The following PCMTD1 variants were observed in gnomAD, a reference collection of about 807,000 sequenced individuals.
The protein encoded by PCMTD1 is protein-L-isoaspartate O-methyltransferase domain-containing protein 1.
PCMTD1 carries 12 observed loss-of-function variants against 37.6 expected under a neutral mutation model. That is an observed-to-expected ratio of 0.32 (90% CI 0.20 to 0.52). PCMTD1 has a LOEUF of 0.52. PCMTD1 is among the 20% of genes least tolerant of loss of function. The pLI is 0.97. For missense variants in PCMTD1, 235 were observed against 421.3 expected, an observed-to-expected ratio of 0.56 and a Z score of 3.87; for synonymous variants, 117 against 135.8, an observed-to-expected ratio of 0.86 and a Z score of 0.96.
intron 1 of PCMTD1, among the ~76,000 whole-genome samples, chr8:51,877,842 A>G (rs10090253): frequency 0.012 from 1,903 of 152,332 alleles, 41 homozygotes; most frequent in African/African-American, 0.042. Flanking sequence ...ATCATTATTA[A>G]AGTTCCTGAT....
intron 2 of PCMTD1, among the ~76,000 whole-genome samples, chr8:51,855,958 C>T (rs974990720): frequency 9.2e-5 from 14 of 152,180 alleles, no homozygotes; most frequent in African/African-American, 2.4e-4. Flanking sequence ...TGAGCCACCG[C>T]GCCTGGCCCA....
At chr8:51,852,387 T>C (rs2038321044) in intron 2 of PCMTD1, among the ~76,000 whole-genome samples, 1 of 152,246 alleles carries the variant, frequency 6.6e-6, no homozygotes, top group Admixed American at 6.5e-5. Flanking sequence ...AAAATTATGT[T>C]AAATCTATAT....
At chr8:51,852,552 C>G (rs1333277395) in intron 2 of PCMTD1, among the ~76,000 whole-genome samples, 1 of 152,104 alleles carries the variant, frequency 6.6e-6, no homozygotes, top group Non-Finnish European at 1.5e-5. Context: ...CTTCTGACTC[C>G]AAGCCAACTA....
At chr8:51,828,737 G>A (rs1269402744) in intron 5 of PCMTD1, among the ~76,000 whole-genome samples, 1 of 152,208 alleles carries the variant, frequency 6.6e-6, no homozygotes, top group Non-Finnish European at 1.5e-5. Context: ...CTACTAAAAA[G>A]TAGACTTCAT....
At chr8:51,837,164 TTCTA>T (rs1175339503) in intron 3 of PCMTD1, among the ~76,000 whole-genome samples, 11 of 152,266 alleles carry the variant, frequency 7.2e-5, no homozygotes, top group Middle Eastern at 3.4e-3. Flanking sequence ...GTATAACTAC[TTCTA>T]TCTAAGGGAA....
rs1204799439 is a variant in PCMTD1, at chr8:51,818,370, C to G, written c.*1981G>C. On this transcript the variant is annotated 3_prime_UTR_variant, in exon 6 of 6. Transcript: ENST00000522514. ...AATATATCCTTAACAAAAACTCTCT[C>G]CTGCATAGTAAAAGCATCATCTAAA... is the stretch of plus-strand genomic sequence containing the variant. 6.3e-6 allele frequency: 1 copy of G among 158,930 alleles called. No individual in the cohort carries two copies. The highest frequency in any genetic ancestry group is 1.4e-5 in the Non-Finnish European group (1 of 73,948). The allele number at this position is 158,930 out of a possible 1,614,324, so 9.8% of individuals were successfully genotyped here.
intron 5 of PCMTD1, 59 bp downstream of exon 5, chr8:51,831,372 TCTTAAATCCCAAG>T: frequency 7.1e-7 from 1 of 1,415,368 alleles, no homozygotes; most frequent in Non-Finnish European, 9.7e-7. Context: ...AATTACATAG[TCTTAAATCCCAAG>T]CATAAAAGCC....
intron 1 of PCMTD1, among the ~76,000 whole-genome samples, chr8:51,896,932 G>A (rs1293955482): frequency 6.8e-6 from 1 of 147,840 alleles, no homozygotes; most frequent in Admixed American, 6.8e-5. Context: ...TTTACTCAAA[G>A]CCTCTATTTA....
intron 5 of PCMTD1, among the ~76,000 whole-genome samples, chr8:51,826,033 T>G (rs2037916812): frequency 6.6e-6 from 1 of 152,196 alleles, no homozygotes; most frequent in South Asian, 2.1e-4. Flanking sequence ...CAAAGGATTA[T>G]AAATCATTCT....
At chr8:51,857,632 G>A (rs1368686871) in intron 2 of PCMTD1, among the ~76,000 whole-genome samples, 1 of 152,068 alleles carries the variant, frequency 6.6e-6, no homozygotes, top group Non-Finnish European at 1.5e-5. Context: ...AATCAACTAA[G>A]TACTAGATCT....
At chr8:51,861,315 A>T (rs1585826312) in intron 1 of PCMTD1, 69 bp from the exon 2 acceptor site, 1 of 1,120,416 alleles carries the variant, frequency 8.9e-7, no homozygotes, top group East Asian at 2.6e-5. Flanking sequence ...TGTTTATTAA[A>T]TGTATGTCAT....
At chr8:51,885,265 C>T (rs1444769441) in intron 1 of PCMTD1, among the ~76,000 whole-genome samples, 1 of 152,052 alleles carries the variant, frequency 6.6e-6, no homozygotes, top group Non-Finnish European at 1.5e-5. Context: ...TATTGGGGGG[C>T]GGGGAGGATA....
rs181081599 is a variant in PCMTD1 at position 51,831,360 on chromosome 8, A to T, written c.706+84T>A. ...TTACTGCATAAGTATTTAATTCTTCATAATTACATAGTCTTAAATCCCAAG... is the reference window on the plus strand; with the variant it reads ...TTACTGCATAAGTATTTAATTCTTCTTAATTACATAGTCTTAAATCCCAAG... On this transcript the variant is annotated intron_variant, in intron 5 of 5. Coordinates refer to ENST00000522514, the MANE Select transcript of PCMTD1 (RefSeq NM_052937.4). The T allele has an allele frequency of 5.8e-5, 78 of 1,343,876 alleles. No individual in the cohort carries two copies. In the African/African-American group the frequency reaches 1.1e-3, roughly 19 times the overall value. 83.2% of individuals were successfully genotyped at this position (1,343,876 alleles called of 1,614,324 possible). A position where few individuals can be genotyped will look rare whatever the true frequency, so the allele number is the denominator to read the frequency against.
intron 3 of PCMTD1, among the ~76,000 whole-genome samples, chr8:51,835,009 T>C (rs1426622812): frequency 6.6e-6 from 1 of 152,150 alleles, no homozygotes; most frequent in Non-Finnish European, 1.5e-5. Context: ...CTCTGCTCTC[T>C]AATGCGCAGG....
At chr8:51,887,343 T>C (rs1289561422) in intron 1 of PCMTD1, among the ~76,000 whole-genome samples, 1 of 152,174 alleles carries the variant, frequency 6.6e-6, no homozygotes, top group Non-Finnish European at 1.5e-5. Context: ...CATCTTAAAA[T>C]GTATACCGGC....
intron 1 of PCMTD1, among the ~76,000 whole-genome samples, chr8:51,864,747 C>A (rs912225968): frequency 6.6e-6 from 1 of 151,782 alleles, no homozygotes; most frequent in Admixed American, 6.6e-5. Context: ...GCAATAAATG[C>A]CTGTATCAAA....
In PCMTD1 at chr8:51,847,501, C is replaced by T. The variant is rs190962783; in HGVS notation, c.308-1738G>A. On this transcript the variant is annotated intron_variant, in intron 2 of 5. Transcript: ENST00000522514. ...AATTAGTCAGGTGTGGTGGTGCACA[C>T]CTGTAATCCCAGTTTCTTGGGAGGC... Among the ~76,000 whole-genome samples, 302 of 152,146 alleles carry T rather than the reference C, an allele frequency of 2.0e-3. 2 individuals are homozygous for T. The highest frequency in any genetic ancestry group is 3.0e-3 in the Non-Finnish European group (206 of 68,006).
intron 4 of PCMTD1, among the ~76,000 whole-genome samples, chr8:51,832,335 C>A (rs752514530): frequency 4.6e-5 from 7 of 152,166 alleles, no homozygotes; most frequent in Non-Finnish European, 1.0e-4. Context: ...AATAACATTT[C>A]CATGAACTTT....
intron 1 of PCMTD1, among the ~76,000 whole-genome samples, chr8:51,882,818 T>TAAA (rs34942203): frequency 2.9e-5 from 4 of 137,604 alleles, no homozygotes; most frequent in Admixed American, 7.3e-5. Flanking sequence ...ATAGCATACT[T>TAAA]AAAAAAAAAA....
Sources: allele counts gnomAD v4.1 joint callset (sites outside exome capture counted in the v4.1 genomes callset), GRCh38; gene constraint gnomAD v4.1.1; transcripts MANE v1.5; gene names NCBI Gene and HGNC (gene_info 2026-07-23, HGNC 2026-07-21).